Variants in MMP2 observed in about 807,000 individuals in gnomAD.
MMP2 encodes matrix metallopeptidase 2.
In MMP2, 39 loss-of-function variants were observed where a neutral mutation model predicts 74.8. That is an observed-to-expected ratio of 0.52 (90% confidence interval 0.40 to 0.68). MMP2 has a LOEUF of 0.68. Among genes scored for constraint, MMP2 ranks in the 30% least tolerant of loss-of-function variants. MMP2 has a pLI of 0.00. For missense variants in MMP2, 803 were observed against 878.3 expected, an observed-to-expected ratio of 0.91 and a Z score of 1.08; for synonymous variants, 367 against 339.8, an observed-to-expected ratio of 1.08 and a Z score of -0.88.
intron 7 of MMP2, 139 bp from the exon 8 acceptor site, chr16:55,491,662 A>T (rs1389254771): frequency 5.0e-6 from 5 of 1,003,966 alleles, no homozygotes; most frequent in Non-Finnish European, 7.6e-6. Flanking sequence ...AGAAAAAAAA[A>T]ATCAATACAT....
At chr16:55,494,253 A>G (rs544181333) in intron 9 of MMP2, among the ~76,000 whole-genome samples, 2 of 152,354 alleles carry the variant, frequency 1.3e-5, no homozygotes, top group South Asian at 4.1e-4. Flanking sequence ...TTATGTAATC[A>G]TAGACAAGTT....
chr16:55,489,605 C>T (rs2142355296), intron 6 of MMP2, 46 bp from the exon 7 acceptor site: 8 of 1,609,362 alleles, frequency 5.0e-6, no homozygotes, highest in Non-Finnish European at 6.8e-6. Context: ...CTGGTGGTAG[C>T]CTCAGACTCT....
chr16:55,479,509 C>T lies in MMP2; in HGVS notation c.30C>T (p.Leu10=), dbSNP rs1344245507. The T allele has an allele frequency of 2.5e-6, 4 of 1,598,124 alleles. No individual in the cohort carries two copies. The South Asian group carries it at 3.4e-5, about 13-fold the overall frequency. ...AGGCGCTAATGGCCCGGGGCGCGCT[C>T]ACGGGTCCCCTGAGGGCGCTCTGTC... MEALMARGA[L]TGPLRALCLL... Residue 10 remains leucine (L), a synonymous_variant, in exon 1 of 13, where the codon CTC becomes CTT. Transcript: ENST00000219070.
At chr16:55,490,307 A>C (rs1962373515) in intron 7 of MMP2, among the ~76,000 whole-genome samples, 1 of 152,090 alleles carries the variant, frequency 6.6e-6, no homozygotes, top group South Asian at 2.1e-4. Context: ...TTGATCTGAC[A>C]CCATGGTCCA....
intron 12 of MMP2, among the ~76,000 whole-genome samples, chr16:55,503,517 G>A (rs1324976528): frequency 7.1e-6 from 1 of 140,414 alleles, no homozygotes; most frequent in Non-Finnish European, 1.5e-5. Flanking sequence ...TTTTTTTTTT[G>A]AGCACCTACT....
intron 10 of MMP2, 143 bp from the exon 11 acceptor site, chr16:55,498,146 G>T: frequency 9.5e-7 from 1 of 1,053,336 alleles, no homozygotes; most frequent in Non-Finnish European, 1.4e-6. Context: ...CCTGATTCTG[G>T]GCACTGCAAC....
intron 5 of MMP2, among the ~76,000 whole-genome samples, chr16:55,486,422 T>C (rs1458468542): frequency 6.6e-6 from 1 of 151,542 alleles, no homozygotes; most frequent in African/African-American, 2.4e-5. Flanking sequence ...TCTGCCTCTC[T>C]TGGGCACTGT....
intron 3 of MMP2, among the ~76,000 whole-genome samples, chr16:55,484,920 T>C (rs1357945093): frequency 6.6e-6 from 1 of 152,014 alleles, no homozygotes; most frequent in Non-Finnish European, 1.5e-5. Context: ...AAGGCAGGAT[T>C]GTGGTTAAGA....
intron 7 of MMP2, among the ~76,000 whole-genome samples, chr16:55,490,892 A>T (rs1349268537): frequency 2.0e-5 from 3 of 152,150 alleles, no homozygotes; most frequent in African/African-American, 7.2e-5. Flanking sequence ...CTGCCATGAC[A>T]AAGTGCCACA....
At chr16:55,494,855 C>G (rs761736176) in intron 9 of MMP2, among the ~76,000 whole-genome samples, 4 of 152,178 alleles carry the variant, frequency 2.6e-5, no homozygotes, top group Admixed American at 2.6e-4. Context: ...TTGAGCAGAG[C>G]CTTCAAAGGA....
intron 2 of MMP2, among the ~76,000 whole-genome samples, chr16:55,483,783 G>A (rs1309427239): frequency 2.0e-5 from 3 of 152,178 alleles, no homozygotes; most frequent in Admixed American, 6.5e-5. Flanking sequence ...CATTCTGGGA[G>A]GGTTGTCCTT....
chr16:55,479,398 C>G lies in MMP2; in HGVS notation c.-82C>G, dbSNP rs1296794331. 7.3e-7 allele frequency: 1 copy of G among 1,367,836 alleles called. No individual in the cohort carries two copies. Among genetic ancestry groups the G allele is most frequent in the Non-Finnish European group, 9.4e-7 (1 of 1,064,808 alleles). 84.7% of individuals were successfully genotyped at this position (1,367,836 alleles called of 1,614,324 possible). On this transcript the variant is annotated 5_prime_UTR_variant, in exon 1 of 13. Coordinates refer to ENST00000219070, the MANE Select transcript of MMP2 (RefSeq NM_004530.6). ...CGGAGCGCAGCCCTGCGCCGCGGAGCAGGCTCCAACCAGGCGGCGAGGCGG... is the reference window on the plus strand; with the variant it reads ...CGGAGCGCAGCCCTGCGCCGCGGAGGAGGCTCCAACCAGGCGGCGAGGCGG...
chr16:55,498,900 G>C (rs535635516), intron 11 of MMP2, among the ~76,000 whole-genome samples: 7 of 152,178 alleles, frequency 4.6e-5, no homozygotes, highest in African/African-American at 9.7e-5. Context: ...GGGCACAGTG[G>C]CTCACGCCTG....
At chr16:55,500,250 C>A (rs1037702619) in intron 11 of MMP2, among the ~76,000 whole-genome samples, 1 of 152,104 alleles carries the variant, frequency 6.6e-6, no homozygotes, top group African/African-American at 2.4e-5. Flanking sequence ...CACACACACA[C>A]GCGTACTGCG....
intron 11 of MMP2, among the ~76,000 whole-genome samples, chr16:55,498,923 T>C (rs1962598087): frequency 6.6e-6 from 1 of 152,106 alleles, no homozygotes. Context: ...ATCCCAGCAC[T>C]TTGGGAGGCC....
intron 1 of MMP2, chr16:55,479,857 C>A: frequency 3.3e-6 from 2 of 609,198 alleles, no homozygotes; most frequent in South Asian, 2.0e-5. Context: ...TGGCAACCTT[C>A]AGCATACAGC....
At chr16:55,479,653 C>A (rs749628911) in intron 1 of MMP2, 21 bp downstream of exon 1, 5 of 1,613,614 alleles carry the variant, frequency 3.1e-6, no homozygotes, top group Non-Finnish European at 4.2e-6. Context: ...GCGCTGGCCT[C>A]AAGGAACCAC....
In MMP2 at chr16:55,488,635, G is replaced by A. The variant is rs949923746; in HGVS notation, c.925G>A (p.Gly309Ser). The stretch of plus-strand genomic sequence containing the variant: ...ATCCTATGACAGCTGCACCACTGAG[G>A]GCCGCACGGATGGCTACCGCTGGTG... The part of the protein sequence containing the change: ...GTSYDSCTTE[G>S]RTDGYRWCGT... The change falls in exon 6 of 13, where the codon GGC becomes AGC. Residue 309 changes from glycine to serine, a missense_variant. This residue lies in a region of MMP2 where 555 missense variants were observed against 592.0 expected (regional missense o/e 0.94). Transcript: ENST00000219070. 3.7e-6 allele frequency: 6 copies of A among 1,613,792 alleles called. No individual in the cohort carries two copies. The highest frequency in any genetic ancestry group is 1.7e-5 in the Admixed American group (1 of 59,986).
At chr16:55,482,441 G>A (rs1039106195) in intron 1 of MMP2, among the ~76,000 whole-genome samples, 4 of 152,194 alleles carry the variant, frequency 2.6e-5, no homozygotes, top group Non-Finnish European at 4.4e-5. Context: ...TAGAGGTAAA[G>A]GAAGGATGCT....
Sources: allele counts gnomAD v4.1 joint callset (sites outside exome capture counted in the v4.1 genomes callset), GRCh38; gene constraint gnomAD v4.1.1; regional missense constraint gnomAD v4.1.1; transcripts MANE v1.5; gene names NCBI Gene and HGNC (gene_info 2026-07-23, HGNC 2026-07-21).